TASL: variants seen among roughly 807,000 people sequenced by gnomAD.
The protein encoded by TASL is TLR adaptor interacting with endolysosomal SLC15A4.
Under a neutral mutation model 12.9 loss-of-function variants are expected in TASL, and 6 were observed. The ratio of observed to expected loss-of-function variants is 0.46; its 90% confidence interval spans 0.25 to 0.92. The LOEUF (loss-of-function observed/expected upper bound fraction) is 0.92, where lower values mean the gene tolerates loss of function less well. Among genes scored for constraint, TASL ranks in the 40% least tolerant of loss-of-function variants. The pLI is 0.17. For missense variants in TASL, 165 were observed against 212.8 expected (o/e 0.78, Z 1.40); for synonymous variants, 85 against 79.3 (o/e 1.07, Z -0.38).
chrX:30,565,760 TTTTTTTTG>T (rs776549279), intron 2 of TASL, among the ~76,000 whole-genome samples: 13 of 111,326 alleles, frequency 1.2e-4, no homozygotes, highest in Admixed American at 1.9e-4. Flanking sequence ...AACTGCAGTA[TTTTTTTTG>T]TTTTTTTGTT....
rs772244209 is a variant in TASL at position 30,577,705 on chromosome X, A to C, written c.-184T>G. On this transcript the variant is annotated 5_prime_UTR_variant, in exon 1 of 3. Coordinates refer to ENST00000378962, the MANE Select transcript of TASL (RefSeq NM_025159.3). ...CAACTGACCAAACAGAGAGATGAACAAGCCAGCCAATGCTCTTTCCAGAAA... is the reference window on the plus strand; with the variant it reads ...CAACTGACCAAACAGAGAGATGAACCAGCCAGCCAATGCTCTTTCCAGAAA... 2.7e-5 allele frequency: 3 copies of C among 112,559 alleles called. No homozygotes were observed. Among genetic ancestry groups the C allele is most frequent in the South Asian group, 7.3e-4 (2 of 2,735 alleles). 9.3% of individuals were successfully genotyped at this position (112,559 alleles called of 1,213,427 possible).
rs1034307445 is a variant in TASL at position 30,559,920 on chromosome X, A to G, written c.436T>C (p.Ser146Pro). The change falls in exon 3 of 3, where the codon TCT becomes CCT. Residue 146 changes from serine to proline, a missense_variant. Coordinates refer to ENST00000378962, the MANE Select transcript of TASL (RefSeq NM_025159.3). ...GGGCCATATTCAAAACTGCTCTCAG[A>G]GGGAAAATCTGTTGTCACTGAATTA... Reference protein sequence around the residue: ...AINSVTTDFPSESSFEYGPLL... With the variant: ...AINSVTTDFPPESSFEYGPLL... 2.0e-5 allele frequency: 24 copies of G among 1,211,688 alleles called. No individual in the cohort carries two copies. Among genetic ancestry groups the G allele is most frequent in the Non-Finnish European group, 2.3e-5 (21 of 895,292 alleles).
rs1930381199 is a variant in TASL at position 30,559,209 on chromosome X, T to C, written c.*241A>G. The stretch of plus-strand genomic sequence containing the variant: ...GTTTCTTTTTTGATCATTTTTATTT[T>C]TGCTTCCTTGCTGTACACACCTCTC... On this transcript the variant is annotated 3_prime_UTR_variant, in exon 3 of 3. Coordinates refer to ENST00000378962, the MANE Select transcript of TASL (RefSeq NM_025159.3). 10 of 283,761 alleles carry C rather than the reference T, an allele frequency of 3.5e-5. No homozygotes were observed. The East Asian group carries it at 5.1e-4, about 15-fold the overall frequency. The allele number at this position is 283,761 out of a possible 1,213,427, so 23.4% of individuals were successfully genotyped here.
chrX:30,559,535 C>T lies in TASL; in HGVS notation c.821G>A (p.Arg274His), dbSNP rs149817919. The T allele has an allele frequency of 2.2e-5, 27 of 1,203,929 alleles. No individual in the cohort carries two copies. The highest frequency in any genetic ancestry group is 3.5e-5 in the African/African-American group (2 of 57,059). Reference sequence around the variant, plus strand: ...TTCAGTTGACATCAATTGCAATAGGCGGCTAAAGACTATATCTCTGGCTTT... The same window carrying T: ...TTCAGTTGACATCAATTGCAATAGGTGGCTAAAGACTATATCTCTGGCTTT... ...TSKARDIVFS[R>H]LLQLMSTEIT... The change falls in exon 3 of 3, where the codon CGC becomes CAC. Residue 274 changes from arginine (R) to histidine (H), a missense_variant. Physicochemically the swap from Arg to His is conservative, Grantham distance 29. Transcript: ENST00000378962.
chrX:30,571,288 AAG>A (rs1491347756), intron 2 of TASL, among the ~76,000 whole-genome samples: 630 of 54,299 alleles, frequency 0.012, 9 homozygotes, highest in South Asian at 0.042. Context: ...GAAAGAAAGA[AAG>A]AAAGAAAGAA....
chrX:30,569,805 G>A (rs1207329928), intron 2 of TASL, among the ~76,000 whole-genome samples: 1 of 111,327 alleles, frequency 9.0e-6, no homozygotes, highest in Non-Finnish European at 1.9e-5. Context: ...AAGGTCAGGA[G>A]TTCGAGACCA....
chrX:30,566,362 C>T (rs1374425761), intron 2 of TASL, among the ~76,000 whole-genome samples: 2 of 110,216 alleles, frequency 1.8e-5, no homozygotes, highest in African/African-American at 3.3e-5. Flanking sequence ...CAAAAATTAG[C>T]CAGGCATGGT....
chrX:30,567,664 G>C (rs1222267903), intron 2 of TASL, among the ~76,000 whole-genome samples: 3 of 111,309 alleles, frequency 2.7e-5, no homozygotes, highest in Non-Finnish European at 5.7e-5. Context: ...TGAAGCCAGG[G>C]GAGGAAGGAG....
At chrX:30,573,391 T>A (rs1247303052) in intron 2 of TASL, among the ~76,000 whole-genome samples, 1 of 112,480 alleles carries the variant, frequency 8.9e-6, no homozygotes, top group Non-Finnish European at 1.9e-5. Flanking sequence ...GAAGGTGCAG[T>A]GAAGTGCAGA....
intron 2 of TASL, among the ~76,000 whole-genome samples, chrX:30,568,488 G>T (rs1326560411): frequency 9.0e-6 from 1 of 110,968 alleles, no homozygotes; most frequent in Non-Finnish European, 1.9e-5. Context: ...TCAATTTCAT[G>T]TGGGTCAGTA....
chrX:30,575,606 A>G (rs1453079697), intron 2 of TASL, among the ~76,000 whole-genome samples: 2 of 112,090 alleles, frequency 1.8e-5, no homozygotes, highest in Non-Finnish European at 3.8e-5. Flanking sequence ...TCAAATATGA[A>G]GTGATTCTTA....
intron 2 of TASL, among the ~76,000 whole-genome samples, chrX:30,562,503 G>T (rs1413309685): frequency 9.0e-6 from 1 of 111,529 alleles, no homozygotes; most frequent in Non-Finnish European, 1.9e-5. Context: ...CTACAGTTGG[G>T]GTGGAAAGAT....
intron 2 of TASL, among the ~76,000 whole-genome samples, chrX:30,566,001 C>T (rs758247240): frequency 9.1e-6 from 1 of 109,599 alleles, no homozygotes; most frequent in Admixed American, 9.7e-5. Flanking sequence ...GAACTCCTGA[C>T]CTGAAGCGAT....
chrX:30,572,303 T>C (rs1930639132), intron 2 of TASL, among the ~76,000 whole-genome samples: 1 of 112,469 alleles, frequency 8.9e-6, no homozygotes, highest in Non-Finnish European at 1.9e-5. Context: ...TTCAGAAAGC[T>C]GTTGTTATCA....
At chrX:30,574,493 C>G (rs1369853724) in intron 2 of TASL, among the ~76,000 whole-genome samples, 1 of 111,143 alleles carries the variant, frequency 9.0e-6, no homozygotes, top group Non-Finnish European at 1.9e-5. Flanking sequence ...AGATCCCGCC[C>G]CTTGAAGAAC....
chrX:30,561,573 T>A (rs958107019), intron 2 of TASL, among the ~76,000 whole-genome samples: 5 of 112,200 alleles, frequency 4.5e-5, no homozygotes, highest in African/African-American at 1.3e-4. Context: ...AGGATTTTTT[T>A]AACCATACAT....
Position 30,568,607 on chromosome X carries a change from T to TA in TASL, c.-2+8144dup, listed in dbSNP as rs1668714415. ...GCCGAATCCCCCCTTTAGGACCCCT[T>TA]ATCCCCATTCAGACACACTCCAAGT... On this transcript the variant is annotated intron_variant, in intron 2 of 2. Coordinates refer to ENST00000378962, the MANE Select transcript of TASL (RefSeq NM_025159.3). Among the ~76,000 whole-genome samples, 5 of 110,894 alleles carry TA rather than the reference T, an allele frequency of 4.5e-5. No individual in the cohort carries two copies. In the South Asian group the frequency reaches 1.9e-3, roughly 43 times the overall value.
At chrX:30,563,796 G>A (rs1189596999) in intron 2 of TASL, among the ~76,000 whole-genome samples, 1 of 111,966 alleles carries the variant, frequency 8.9e-6, no homozygotes, top group East Asian at 2.8e-4. Context: ...CTAGCAAGAG[G>A]AGTATCCACC....
intron 2 of TASL, among the ~76,000 whole-genome samples, chrX:30,575,968 T>A (rs1218832165): frequency 1.8e-5 from 2 of 111,932 alleles, no homozygotes; most frequent in Admixed American, 1.9e-4. Flanking sequence ...ACTAAAAAAA[T>A]AAGAAACCTA....
Sources: gnomAD v4.1 joint callset for allele counts (sites outside exome capture counted in the v4.1 genomes callset) on GRCh38, gnomAD v4.1.1 for gene constraint, MANE v1.5 for transcripts, NCBI Gene and HGNC (gene_info 2026-07-23, HGNC 2026-07-21) for gene names.